The following CDC5L variants were observed in gnomAD, a reference collection of about 807,000 sequenced individuals.
CDC5L encodes cell division cycle 5-like protein.
In CDC5L, 18 loss-of-function variants were observed where a neutral mutation model predicts 104.1. The observed-to-expected ratio is 0.17, with a 90% CI of 0.12 to 0.26. CDC5L has a LOEUF of 0.26. Among genes scored for constraint, CDC5L ranks in the 10% least tolerant of loss-of-function variants. CDC5L has a pLI of 1.00. For missense variants in CDC5L, 673 were observed against 956.9 expected (o/e 0.70, Z 3.91); for synonymous variants, 331 against 322.7 (o/e 1.03, Z -0.28).
rs113972330 is a variant in CDC5L at position 44,446,893 on chromosome 6, A to C, written c.*182A>C. On this transcript the variant is annotated 3_prime_UTR_variant, in exon 16 of 16. Coordinates refer to ENST00000371477, the MANE Select transcript of CDC5L (RefSeq NM_001253.4). ...TAAAGACCTTAACTCCACAGGACGG[A>C]CATTTTAGAGTTTAAATTATTAAGG... The C allele has an allele frequency of 1.1e-5, 4 of 379,968 alleles. No individual in the cohort carries two copies. The highest frequency in any genetic ancestry group is 8.3e-5 in the African/African-American group (4 of 48,002). 23.5% of individuals were successfully genotyped at this position (379,968 alleles called of 1,614,324 possible).
chr6:44,387,942 G>GGT (rs1341045329), intron 1 of CDC5L, 74 bp downstream of exon 1: 9 of 1,448,848 alleles, frequency 6.2e-6, no homozygotes, highest in Middle Eastern at 1.8e-4. Context: ...GCGGAGGTCG[G>GGT]GGGGGCGACG....
Position 44,393,561 on chromosome 6 carries a change from G to C in CDC5L, c.427G>C (p.Asp143His). The change falls in exon 4 of 16, where the codon GAT becomes CAT. Residue 143 changes from aspartate to histidine, a missense_variant. By Grantham distance (81) the Asp-to-His change is moderately conservative. Transcript: ENST00000371477. ...AAAACCAGCGCGGCCTGATCCAATT[G>C]ATATGGATGAGGGTAAGTGTATGCT... ...ETKPARPDPI[D>H]MDEDELEMLS... is the part of the protein sequence containing the mutation. 2 of 1,613,532 alleles carry C rather than the reference G, an allele frequency of 1.2e-6. No homozygotes were observed. Among genetic ancestry groups the C allele is most frequent in the Non-Finnish European group, 1.7e-6 (2 of 1,179,666 alleles).
chr6:44,406,048 C>T (rs1259394608), intron 6 of CDC5L, among the ~76,000 whole-genome samples: 6 of 151,960 alleles, frequency 3.9e-5, no homozygotes, highest in South Asian at 2.1e-4. Flanking sequence ...ATTACAGGCA[C>T]GCACCACTAT....
chr6:44,428,483 A>G (rs1229453274), intron 13 of CDC5L, among the ~76,000 whole-genome samples: 1 of 152,142 alleles, frequency 6.6e-6, no homozygotes, highest in Non-Finnish European at 1.5e-5. Flanking sequence ...TGCTTATGGA[A>G]TTCTGTGTGT....
intron 2 of CDC5L, among the ~76,000 whole-genome samples, chr6:44,390,941 GTTATATA>G (rs538903028): frequency 0.016 from 2,184 of 137,278 alleles, 27 homozygotes; most frequent in African/African-American, 0.052. Context: ...TATTTAATAT[GTTATATA>G]TTATATATTA....
At chr6:44,395,470 G>A (rs963168084) in intron 4 of CDC5L, among the ~76,000 whole-genome samples, 2 of 152,226 alleles carry the variant, frequency 1.3e-5, no homozygotes. Flanking sequence ...ATCTCTCTGA[G>A]CTTTGATTCC....
chr6:44,394,187 G>A (rs1790747236), intron 4 of CDC5L, among the ~76,000 whole-genome samples: 1 of 152,014 alleles, frequency 6.6e-6, no homozygotes, highest in African/African-American at 2.4e-5. Context: ...CCCAGGAGTT[G>A]GAGGCCAGTC....
At position 44,408,337 on chromosome 6, in the gene CDC5L, A is replaced by T. The variant is rs1791469926; in HGVS notation, c.904-107A>T. ...GGTAGGTCCCGAACTCCTGGGCTCA[A>T]ACAGTTTGCCCTCCTCGGCCTCCCA... On this transcript the variant is annotated intron_variant, in intron 7 of 15. Coordinates refer to ENST00000371477, the MANE Select transcript of CDC5L (RefSeq NM_001253.4). The T allele has an allele frequency of 5.4e-6, 4 of 744,342 alleles. No individual in the cohort carries two copies. The South Asian group carries it at 9.0e-5, about 17-fold the overall frequency. The allele number at this position is 744,342 out of a possible 1,614,324, so 46.1% of individuals were successfully genotyped here. A position where few individuals can be genotyped will look rare whatever the true frequency, so the allele number is the denominator to read the frequency against.
intron 9 of CDC5L, 38 bp downstream of exon 9, chr6:44,419,635 T>G: frequency 6.6e-7 from 1 of 1,514,430 alleles, no homozygotes; most frequent in Non-Finnish European, 9.2e-7. Flanking sequence ...TAGAAAAACT[T>G]GAATTCAAGG....
Position 44,396,504 on chromosome 6 carries a change from C to T in CDC5L, c.539+64C>T. The T allele has an allele frequency of 3.1e-6, 3 of 955,836 alleles. 1 individual carries two copies. The South Asian group carries it at 4.4e-5, about 14-fold the overall frequency. 59.2% of individuals were successfully genotyped at this position (955,836 alleles called of 1,614,324 possible). A position where few individuals can be genotyped will look rare whatever the true frequency, so the allele number is the denominator to read the frequency against. The stretch of plus-strand genomic sequence containing the variant: ...CTCACATAACAATCAACACAGAATA[C>T]TTCTGTGACCAGATATGTGGTTTTT... On this transcript the variant is annotated intron_variant, in intron 5 of 15. Transcript: ENST00000371477.
rs921137907 is a variant in CDC5L at position 44,450,366 on chromosome 6, A to G, written c.*3655A>G. 6.6e-6 allele frequency: 1 copy of G among 152,180 alleles called. No homozygotes were observed. Among genetic ancestry groups the G allele is most frequent in the African/African-American group, 2.4e-5 (1 of 41,428 alleles). The allele number at this position is 152,180 out of a possible 1,614,324, so 9.4% of individuals were successfully genotyped here. A position where few individuals can be genotyped will look rare whatever the true frequency, so the allele number is the denominator to read the frequency against. ...ATAACTGTCAGTTTCTTTTGTGACT[A>G]TTATGTTACCTATTTTTAAATTTAA... On this transcript the variant is annotated 3_prime_UTR_variant, in exon 16 of 16. Transcript: ENST00000371477.
rs370065367 is a variant in CDC5L, at chr6:44,396,426, A to G, written c.525A>G (p.Gln175=). ...CCAAGAGGAAAGCAAGAGAGAAACA[A>G]TTGGAAGAAGCAAGGTATGTGTGGA... ...KKAKRKAREK[Q]LEEARRLAAL... is the part of the protein sequence containing the mutation. The change falls in exon 5 of 16, where the codon CAA becomes CAG. Residue 175 remains glutamine, a synonymous_variant. Coordinates refer to ENST00000371477, the MANE Select transcript of CDC5L (RefSeq NM_001253.4). 1.3e-5 allele frequency: 21 copies of G among 1,608,656 alleles called. No individual in the cohort carries two copies. In the East Asian group the frequency reaches 1.6e-4, roughly 12 times the overall value.
intron 7 of CDC5L, among the ~76,000 whole-genome samples, chr6:44,407,501 A>G (rs985115905): frequency 3.3e-5 from 5 of 152,068 alleles, no homozygotes; most frequent in Non-Finnish European, 5.9e-5. Context: ...TAATTTTTGT[A>G]TATTTACTAG....
chr6:44,412,728 A>G (rs940954301), intron 8 of CDC5L, among the ~76,000 whole-genome samples: 2 of 149,446 alleles, frequency 1.3e-5, no homozygotes, highest in Non-Finnish European at 1.5e-5. Context: ...ACCCATTTTT[A>G]CTGTATTTAC....
In CDC5L at chr6:44,426,223, CT is replaced by C. The variant is rs545098043; in HGVS notation, c.1650+45del. On this transcript the variant is annotated intron_variant, in intron 12 of 15. Coordinates refer to ENST00000371477, the MANE Select transcript of CDC5L (RefSeq NM_001253.4). ...TTCTGGTTTAGGAAGTTTTAAGTTT[CT>C]TTTTATATGATTGCTGCGTTTTACA... 811 of 1,396,538 alleles carry C rather than the reference CT, an allele frequency of 5.8e-4. 1 individual carries two copies. Among genetic ancestry groups the C allele is most frequent in the Middle Eastern group, 2.5e-3 (14 of 5,526 alleles). The allele number at this position is 1,396,538 out of a possible 1,614,324, so 86.5% of individuals were successfully genotyped here.
intron 14 of CDC5L, among the ~76,000 whole-genome samples, chr6:44,442,212 G>A (rs971892171): frequency 1.5e-4 from 23 of 152,158 alleles, no homozygotes; most frequent in Admixed American, 3.9e-4. Flanking sequence ...TGGGATTACA[G>A]GCATGAGCCG....
chr6:44,439,652 C>T (rs2153383737), intron 14 of CDC5L, among the ~76,000 whole-genome samples: 1 of 152,332 alleles, frequency 6.6e-6, no homozygotes, highest in Middle Eastern at 3.4e-3. Flanking sequence ...CATCCTTTTA[C>T]TCCCTTAGTT....
intron 14 of CDC5L, among the ~76,000 whole-genome samples, chr6:44,430,828 C>T (rs1792651359): frequency 6.6e-6 from 1 of 152,098 alleles, no homozygotes; most frequent in Non-Finnish European, 1.5e-5. Context: ...ATCTCAGCCT[C>T]CCAAAGTGCT....
chr6:44,392,652 A>G lies in CDC5L; in HGVS notation c.150-15A>G, dbSNP rs765131358. On this transcript the variant is annotated splice_polypyrimidine_tract_variant and intron_variant, in intron 2 of 15. Transcript: ENST00000371477. Reference sequence around the variant, plus strand: ...AGGTAACTGATTAATATATAAAATGATCTATGTTTAATAGGTATGAATGGC... The same window carrying G: ...AGGTAACTGATTAATATATAAAATGGTCTATGTTTAATAGGTATGAATGGC... 4.4e-6 allele frequency: 7 copies of G among 1,608,968 alleles called. No homozygotes were observed. The highest frequency in any genetic ancestry group is 1.6e-4 in the Middle Eastern group (1 of 6,072).
Sources: allele counts gnomAD v4.1 joint callset (sites outside exome capture counted in the v4.1 genomes callset), GRCh38; gene constraint gnomAD v4.1.1; transcripts MANE v1.5; gene names NCBI Gene and HGNC (gene_info 2026-07-23, HGNC 2026-07-21).